Variants in ELF1 observed in about 807,000 individuals in gnomAD.
ELF1 encodes E74 like ETS transcription factor 1, also known as ETS-related transcription factor Elf-1.
A neutral mutation model predicts 59.9 loss-of-function variants in ELF1; 24 were observed. That is an observed-to-expected ratio of 0.40 (90% CI 0.29 to 0.56). ELF1 has a LOEUF of 0.56. Ranked by LOEUF, ELF1 falls within the 20% of genes least tolerant of loss-of-function variation. The pLI is 0.44. For missense variants in ELF1, 627 were observed against 742.2 expected (o/e 0.84, Z 1.80); for synonymous variants, 248 against 266.2 (o/e 0.93, Z 0.67).
chr13:40,939,280 T>C (rs1869983291), intron 8 of ELF1, among the ~76,000 whole-genome samples: 1 of 152,164 alleles, frequency 6.6e-6, no homozygotes, highest in Non-Finnish European at 1.5e-5. Flanking sequence ...GTCATTACAC[T>C]CCAGCCTAGG....
chr13:40,970,453 G>A (rs1872464402), intron 2 of ELF1, among the ~76,000 whole-genome samples: 1 of 152,194 alleles, frequency 6.6e-6, no homozygotes, highest in African/African-American at 2.4e-5. Context: ...ATCATACAGT[G>A]ACTTGTAAGA....
At position 40,943,077 on chromosome 13, in the gene ELF1, G is replaced by A. The variant is rs1870286108; in HGVS notation, c.681C>T (p.Tyr227=). 2.5e-6 allele frequency: 4 copies of A among 1,612,806 alleles called. No homozygotes were observed. The East Asian group carries it at 8.9e-5, about 36-fold the overall frequency. ...LLQDKATCPK[Y]IKWTQREKGI... is the part of the protein sequence containing the mutation. ...CTTTCTCTCGCTGGGTCCACTTGATGTATTTAGGACAAGTAGCCTTGTCCT... is the reference window on the plus strand; with the variant it reads ...CTTTCTCTCGCTGGGTCCACTTGATATATTTAGGACAAGTAGCCTTGTCCT... Residue 227 remains tyrosine (Y), a synonymous_variant, in exon 7 of 9, where the codon TAC becomes TAT. Transcript: ENST00000239882.
rs1372512682 is a variant in ELF1 at position 40,949,875 on chromosome 13, G to T, written c.460C>A (p.Gln154Lys). Residue 154 changes from glutamine (Q) to lysine (K), a missense_variant, in exon 5 of 9, where the codon CAG becomes AAG. Physicochemically the swap from Gln to Lys is moderately conservative, Grantham distance 53. Around this residue, in one of 3 missense-constraint regions of ELF1, gnomAD observed 232 missense variants for 269.2 expected, o/e 0.86. Coordinates refer to ENST00000239882, the MANE Select transcript of ELF1 (RefSeq NM_172373.4). ...LDGIPEVMET[Q>K]QVQEKYADSP... is the part of the protein sequence containing the mutation. ...TCTGCATATTTTTCTTGCACCTGCT[G>T]TGTTTCCATCACTTCAGGAATCCCA... 6.2e-7 allele frequency: 1 copy of T among 1,613,968 alleles called. No homozygotes were observed. The highest frequency in any genetic ancestry group is 8.5e-7 in the Non-Finnish European group (1 of 1,180,014).
intron 5 of ELF1, among the ~76,000 whole-genome samples, chr13:40,947,447 C>T (rs1349011860): frequency 6.6e-6 from 1 of 152,186 alleles, no homozygotes; most frequent in East Asian, 1.9e-4. Context: ...GAGGCAGAGG[C>T]AGGAGAATCA....
rs375310054 is a variant in ELF1, at chr13:40,999,778, G to A, written c.-228-17496C>T. On this transcript the variant is annotated intron_variant, in intron 1 of 8. Transcript: ENST00000239882. ...TTACTTAAAATAGAGATTCTCAACA[G>A]TGCTTTTTATTCTGCTCAGGGTGTG... Among the ~76,000 whole-genome samples the A allele has an allele frequency of 4.1e-4, 63 of 152,232 alleles. No individual in the cohort carries two copies. In the South Asian group the frequency reaches 0.013, roughly 31 times the overall value.
At chr13:41,015,003 C>G (rs1045221319) in intron 1 of ELF1, among the ~76,000 whole-genome samples, 1 of 151,714 alleles carries the variant, frequency 6.6e-6, no homozygotes, top group Non-Finnish European at 1.5e-5. Context: ...GCCCTCCCCC[C>G]AAAAAAAGAA....
intron 1 of ELF1, among the ~76,000 whole-genome samples, chr13:41,035,967 C>T (rs1389741851): frequency 1.3e-5 from 2 of 151,178 alleles, no homozygotes; most frequent in African/African-American, 4.9e-5. Context: ...TGCAGTGGCG[C>T]AATCTCGGCT....
At chr13:40,989,862 T>G (rs1343926008) in intron 1 of ELF1, among the ~76,000 whole-genome samples, 2 of 152,192 alleles carry the variant, frequency 1.3e-5, no homozygotes, top group African/African-American at 4.8e-5. Flanking sequence ...CAGAAAAGCT[T>G]AAATTGGAGG....
chr13:40,957,163 G>A (rs1416711895), intron 3 of ELF1, among the ~76,000 whole-genome samples: 1 of 114,168 alleles, frequency 8.8e-6, no homozygotes, highest in African/African-American at 2.7e-5. Context: ...TGACCATAGT[G>A]AGGCCTGCAG....
intron 1 of ELF1, among the ~76,000 whole-genome samples, chr13:41,029,432 C>T (rs1749902864): frequency 6.6e-6 from 1 of 152,104 alleles, no homozygotes; most frequent in Admixed American, 6.6e-5. Flanking sequence ...TGATCTCTTG[C>T]CCAGGCCTGA....
Position 41,000,465 on chromosome 13 carries a change from G to A in ELF1, c.-228-18183C>T, listed in dbSNP as rs911732527. On this transcript the variant is annotated intron_variant, in intron 1 of 8. Transcript: ENST00000239882. ...TTGAACTCCTGACCTTAATTGATCC[G>A]CTTGCTCGGCCTCCCAAATTGCTGG... is the stretch of plus-strand genomic sequence containing the variant. Among the ~76,000 whole-genome samples the A allele has an allele frequency of 2.8e-3, 10 of 3,608 alleles. No homozygotes were observed. The Admixed American group carries it at 0.038, about 14-fold the overall frequency. The allele number at this position is 3,608 out of a possible 152,430, so 2.4% of individuals were successfully genotyped here.
chr13:40,981,513 T>C (rs1309695101), intron 2 of ELF1, among the ~76,000 whole-genome samples: 1 of 152,108 alleles, frequency 6.6e-6, no homozygotes, highest in Non-Finnish European at 1.5e-5. Context: ...GATGATGAAA[T>C]CTAGATCTAG....
At chr13:40,994,251 G>T (rs558679977) in intron 1 of ELF1, among the ~76,000 whole-genome samples, 2 of 152,308 alleles carry the variant, frequency 1.3e-5, no homozygotes, top group South Asian at 4.1e-4. Flanking sequence ...CTGCAGAACA[G>T]CCAAACAGAC....
At chr13:40,970,754 T>C (rs996276744) in intron 2 of ELF1, among the ~76,000 whole-genome samples, 3 of 152,066 alleles carry the variant, frequency 2.0e-5, no homozygotes, top group Non-Finnish European at 4.4e-5. Context: ...AAATGTCACA[T>C]AGATAAACAT....
chr13:40,960,047 A>G (rs1015809846), intron 2 of ELF1, among the ~76,000 whole-genome samples: 3 of 152,120 alleles, frequency 2.0e-5, no homozygotes, highest in African/African-American at 7.2e-5. Context: ...AACCACATCT[A>G]TTTATCATTC....
intron 5 of ELF1, among the ~76,000 whole-genome samples, chr13:40,947,124 C>CAA (rs538619972): frequency 2.6e-4 from 29 of 111,574 alleles, no homozygotes; most frequent in East Asian, 1.1e-3. Context: ...GACTCCATCT[C>CAA]AAAAAAAAAA....
rs574795248 is a variant in ELF1 at position 40,985,923 on chromosome 13, AC to A, written c.-228-3642del. 1.3e-3 allele frequency among the ~76,000 whole-genome samples: 196 copies of A among 152,288 alleles called. No homozygotes were observed. In the Middle Eastern group the frequency reaches 0.017, roughly 13 times the overall value. ...AGTCTTTATAAAGTAACAAGGAAAAACATAAGTGAAACTACTTCTTCATCAC... is the reference window on the plus strand; with the variant it reads ...AGTCTTTATAAAGTAACAAGGAAAAAATAAGTGAAACTACTTCTTCATCAC... On this transcript the variant is annotated intron_variant, in intron 1 of 8. Coordinates refer to ENST00000239882, the MANE Select transcript of ELF1 (RefSeq NM_172373.4).
chr13:40,995,677 G>C (rs1479955548), intron 1 of ELF1, among the ~76,000 whole-genome samples: 1 of 134,958 alleles, frequency 7.4e-6, no homozygotes, highest in South Asian at 2.3e-4. Flanking sequence ...AAAAAAAAAA[G>C]AATCTAGACA....
At chr13:40,965,776 ATCTTT>A (rs1000531719) in intron 2 of ELF1, among the ~76,000 whole-genome samples, 4 of 152,244 alleles carry the variant, frequency 2.6e-5, no homozygotes, top group Non-Finnish European at 2.9e-5. Context: ...TAGATTAAGC[ATCTTT>A]TCTTTTATTT....
Sources: allele counts gnomAD v4.1 joint callset (sites outside exome capture counted in the v4.1 genomes callset), GRCh38; gene constraint gnomAD v4.1.1; regional missense constraint gnomAD v4.1.1; transcripts MANE v1.5; gene names NCBI Gene and HGNC (gene_info 2026-07-23, HGNC 2026-07-21).